FAT3: variants seen among roughly 807,000 people sequenced by gnomAD.
FAT3 encodes the protein protocadherin Fat 3.
A neutral mutation model predicts 310.2 loss-of-function variants in FAT3; 95 were observed. The ratio of observed to expected loss-of-function variants is 0.31; its 90% CI spans 0.26 to 0.36. The LOEUF (loss-of-function observed/expected upper bound fraction) is 0.36, where lower values mean the gene tolerates loss of function less well. FAT3 is among the 10% of genes least tolerant of loss of function. The pLI is 1.00. For synonymous variants in FAT3, 2,314 were observed against 2,192.9 expected (o/e 1.06, Z -1.54); for missense variants, 5,408 against 5,715.6 (o/e 0.95, Z 1.74).
intron 2 of FAT3, among the ~76,000 whole-genome samples, chr11:92,374,918 C>T (rs1420801066): frequency 2.6e-5 from 4 of 151,922 alleles, no homozygotes; most frequent in Non-Finnish European, 4.4e-5. Flanking sequence ...CTGTGTCAGG[C>T]ATGTTGTCTG....
In FAT3 at chr11:92,888,237, T is replaced by C. The variant is rs570492480; in HGVS notation, c.13052-952T>C. On this transcript the variant is annotated intron_variant, in intron 25 of 27. Coordinates refer to ENST00000525166, the MANE Select transcript of FAT3 (RefSeq NM_001367949.2). ...AACAAATCACCTAACAGTGGACTTTTTCTGACCATTATCGGAAGGTCAAAG... is the reference window on the plus strand; with the variant it reads ...AACAAATCACCTAACAGTGGACTTTCTCTGACCATTATCGGAAGGTCAAAG... Among the ~76,000 whole-genome samples the C allele has an allele frequency of 2.6e-5, 4 of 152,338 alleles. No individual in the cohort carries two copies. In the South Asian group the frequency reaches 6.2e-4, roughly 24 times the overall value.
intron 2 of FAT3, among the ~76,000 whole-genome samples, chr11:92,404,867 T>G (rs1466387925): frequency 6.6e-6 from 1 of 152,012 alleles, no homozygotes; most frequent in Non-Finnish European, 1.5e-5. Flanking sequence ...GGGACATCTA[T>G]CTTCTCCTAC....
rs1159466544 is a variant in FAT3, at chr11:92,892,263, G to C, written c.*1150G>C. The C allele has an allele frequency of 6.6e-6, 1 of 152,114 alleles. No individual in the cohort carries two copies. The highest frequency in any genetic ancestry group is 1.5e-5 in the Non-Finnish European group (1 of 68,040). The allele number at this position is 152,114 out of a possible 1,614,324, so 9.4% of individuals were successfully genotyped here. On this transcript the variant is annotated 3_prime_UTR_variant, in exon 28 of 28. Transcript: ENST00000525166. ...GAGGAAAGCTAATGTGAAGGTTTTGGGAAATGGACCATGTTGAAAATTCTG... is the reference window on the plus strand; with the variant it reads ...GAGGAAAGCTAATGTGAAGGTTTTGCGAAATGGACCATGTTGAAAATTCTG...
At chr11:92,472,996 G>A (rs2135157399) in intron 2 of FAT3, among the ~76,000 whole-genome samples, 1 of 152,192 alleles carries the variant, frequency 6.6e-6, no homozygotes, top group African/African-American at 2.4e-5. Context: ...ATTTTCTTCT[G>A]CCCTGTATCT....
At chr11:92,491,265 G>A (rs963068857) in intron 2 of FAT3, among the ~76,000 whole-genome samples, 1 of 151,976 alleles carries the variant, frequency 6.6e-6, no homozygotes, top group Non-Finnish European at 1.5e-5. Flanking sequence ...AGGGACATTG[G>A]CCTATATCTG....
At chr11:92,767,624 ATG>A in intron 6 of FAT3, among the ~76,000 whole-genome samples, 1 of 152,104 alleles carries the variant, frequency 6.6e-6, no homozygotes, top group Middle Eastern at 3.4e-3. Flanking sequence ...TCATTCCTGC[ATG>A]TGTGTGTGTG....
At chr11:92,418,871 A>G (rs1950476774) in intron 2 of FAT3, among the ~76,000 whole-genome samples, 1 of 152,136 alleles carries the variant, frequency 6.6e-6, no homozygotes, top group Non-Finnish European at 1.5e-5. Flanking sequence ...TGTCCTTACA[A>G]TGCTTGCAGT....
At chr11:92,237,391 C>T (rs1232170288) in intron 1 of FAT3, among the ~76,000 whole-genome samples, 5 of 152,042 alleles carry the variant, frequency 3.3e-5, no homozygotes, top group South Asian at 4.2e-4. Flanking sequence ...TGACCAATTT[C>T]GAACAGTTTC....
chr11:92,381,963 G>A (rs1949503997), intron 2 of FAT3, among the ~76,000 whole-genome samples: 1 of 152,266 alleles, frequency 6.6e-6, no homozygotes, highest in Non-Finnish European at 1.5e-5. Context: ...TGCTTCAAGA[G>A]TTTTTGTTGG....
At position 92,754,627 on chromosome 11, in the gene FAT3, C is replaced by CAAAAAAAA. The variant is rs71064722; in HGVS notation, c.3670-7218_3670-7211dup. On this transcript the variant is annotated intron_variant, in intron 4 of 27. Transcript: ENST00000525166. Reference sequence around the variant, plus strand: ...TGGGCGACAGAGGAAGACTCTGCCTCAAAAAAAAAAAAAAAAAAGGAGATA... The same window carrying CAAAAAAAA: ...TGGGCGACAGAGGAAGACTCTGCCTCAAAAAAAAAAAAAAAAAAAAAAAAAAGGAGATA... Among the ~76,000 whole-genome samples, 29 of 32,710 alleles carry CAAAAAAAA rather than the reference C, an allele frequency of 8.9e-4. 2 individuals carry two copies. Among genetic ancestry groups the CAAAAAAAA allele is most frequent in the African/African-American group, 5.8e-3 (25 of 4,336 alleles). 21.5% of individuals were successfully genotyped at this position (32,710 alleles called of 152,430 possible).
rs1404978049 is a variant in FAT3 at position 92,800,255 on chromosome 11, C to A, written c.7242C>A (p.Thr2414=). 6.2e-7 allele frequency: 1 copy of A among 1,613,868 alleles called. No individual in the cohort carries two copies. The highest frequency in any genetic ancestry group is 8.5e-7 in the Non-Finnish European group (1 of 1,179,882). Residue 2414 remains threonine (T), a synonymous_variant, in exon 10 of 28, where the codon ACC becomes ACA. Transcript: ENST00000525166. Reference sequence around the variant, plus strand: ...TAGCCCCCCGGGGCCATTTTGTAACCTGTGTACAAGCCTCTGATGCAGACA... The same window carrying A: ...TAGCCCCCCGGGGCCATTTTGTAACATGTGTACAAGCCTCTGATGCAGACA... ...SELAPRGHFV[T]CVQASDADSS...
intron 2 of FAT3, among the ~76,000 whole-genome samples, chr11:92,505,709 C>T (rs1953079127): frequency 6.6e-6 from 1 of 152,100 alleles, no homozygotes; most frequent in African/African-American, 2.4e-5. Flanking sequence ...TACAACTCAT[C>T]ACCACATATA....
At chr11:92,561,978 T>C (rs1955243777) in intron 3 of FAT3, among the ~76,000 whole-genome samples, 1 of 152,154 alleles carries the variant, frequency 6.6e-6, no homozygotes, top group African/African-American at 2.4e-5. Flanking sequence ...GCTCATGAAG[T>C]AGGAGTATTT....
At position 92,251,574 on chromosome 11, in the gene FAT3, T is replaced by C. The variant is rs965940066; in HGVS notation, c.-18+26400T>C. On this transcript the variant is annotated intron_variant, in intron 1 of 27. Coordinates refer to ENST00000525166, the MANE Select transcript of FAT3 (RefSeq NM_001367949.2). ...TTCTTACCTTTCACTTCTCCAATAATATGCTTATAAACTTCAAATTTATTT... is the reference window on the plus strand; with the variant it reads ...TTCTTACCTTTCACTTCTCCAATAACATGCTTATAAACTTCAAATTTATTT... Among the ~76,000 whole-genome samples the C allele has an allele frequency of 2.3e-4, 35 of 152,284 alleles. No individual in the cohort carries two copies. The South Asian group carries it at 5.0e-3, about 22-fold the overall frequency.
intron 4 of FAT3, among the ~76,000 whole-genome samples, chr11:92,723,138 A>G (rs1944910728): frequency 6.6e-6 from 1 of 152,158 alleles, no homozygotes; most frequent in African/African-American, 2.4e-5. Flanking sequence ...CCAAACTTTT[A>G]TGCTGTTTCC....
chr11:92,354,126 C>G lies in FAT3; in HGVS notation c.2014C>G (p.Leu672Val). The change falls in exon 2 of 28, where the codon CTA becomes GTA. Residue 672 changes from leucine (L) to valine (V), a missense_variant. Leu to Val is a conservative substitution (Grantham distance 32). Transcript: ENST00000525166. Reference sequence around the variant, plus strand: ...CCCCATGTCTATTAACATTTCAGTCCTACATGGGAAAGTGTCTTCAAAGAG... The same window carrying G: ...CCCCATGTCTATTAACATTTCAGTCGTACATGGGAAAGTGTCTTCAAAGAG... ...ADPMSINISVLHGKVSSKSFS... is the reference protein window; with the variant it reads ...ADPMSINISVVHGKVSSKSFS... 6.2e-7 allele frequency: 1 copy of G among 1,613,794 alleles called. No homozygotes were observed. Among genetic ancestry groups the G allele is most frequent in the Non-Finnish European group, 8.5e-7 (1 of 1,179,854 alleles).
intron 2 of FAT3, among the ~76,000 whole-genome samples, chr11:92,414,929 G>A (rs2134946426): frequency 6.6e-6 from 1 of 151,924 alleles, no homozygotes; most frequent in South Asian, 2.1e-4. Flanking sequence ...AGAATGGCAT[G>A]AACCCGGGAG....
In FAT3 at chr11:92,534,507, G is replaced by A. The variant is rs374357438; in HGVS notation, c.3607+9559G>A. 2.0e-4 allele frequency among the ~76,000 whole-genome samples: 30 copies of A among 152,340 alleles called. No individual in the cohort carries two copies. The South Asian group carries it at 5.2e-3, about 26-fold the overall frequency. ...AGCACACATTCTTTGTTTTATAGGT[G>A]TGTTAGGGGTTGAATTGTTCCCCAA... On this transcript the variant is annotated intron_variant, in intron 3 of 27. Coordinates refer to ENST00000525166, the MANE Select transcript of FAT3 (RefSeq NM_001367949.2).
chr11:92,417,835 A>T (rs1411997020), intron 2 of FAT3, among the ~76,000 whole-genome samples: 1 of 152,236 alleles, frequency 6.6e-6, no homozygotes, highest in Non-Finnish European at 1.5e-5. Flanking sequence ...GAACCATTGC[A>T]GCTCACTGTG....
Sources: gnomAD v4.1 joint callset for allele counts (sites outside exome capture counted in the v4.1 genomes callset) on GRCh38, gnomAD v4.1.1 for gene constraint, MANE v1.5 for transcripts, NCBI Gene and HGNC (gene_info 2026-07-23, HGNC 2026-07-21) for gene names.